RNPS1: variants seen among roughly 807,000 people sequenced by gnomAD.
RNPS1 encodes RNA binding protein with serine rich domain 1.
For synonymous variants in RNPS1, 147 were observed against 150.0 expected, an observed-to-expected ratio of 0.98 and a Z score of 0.15; for missense variants, 300 against 427.6, an observed-to-expected ratio of 0.70 and a Z score of 2.63.
chr16:2,253,815 C>T lies in RNPS1; in HGVS notation c.*149G>A, dbSNP rs1052066949. On this transcript the variant is annotated 3_prime_UTR_variant, in exon 8 of 8. Transcript: ENST00000320225. ...ACCAACAGCACTTCTGCAGCCGGGG[C>T]CCGGCTGGCAGAGGGGTGCTGCCTG... 6 of 746,994 alleles carry T rather than the reference C, an allele frequency of 8.0e-6. No homozygotes were observed. Among genetic ancestry groups the T allele is most frequent in the African/African-American group, 1.7e-5 (1 of 57,770 alleles). The allele number at this position is 746,994 out of a possible 1,614,324, so 46.3% of individuals were successfully genotyped here.
rs2093594811 is a variant in RNPS1 at position 2,259,781 on chromosome 16, C to T, written c.676+2497G>A. Among the ~76,000 whole-genome samples the T allele has an allele frequency of 3.3e-5, 5 of 152,078 alleles. No homozygotes were observed. The South Asian group carries it at 1.0e-3, about 32-fold the overall frequency. On this transcript the variant is annotated intron_variant, in intron 6 of 7. Transcript: ENST00000320225. ...GCCGGTGCCTGCAGTCCCAGCTACTCGAGAGGCTGAGGCAGGAGAATGGTG... is the reference window on the plus strand; with the variant it reads ...GCCGGTGCCTGCAGTCCCAGCTACTTGAGAGGCTGAGGCAGGAGAATGGTG...
At chr16:2,266,333 G>C (rs2093625032) in intron 1 of RNPS1, 2 of 985,240 alleles carry the variant, frequency 2.0e-6, no homozygotes, top group South Asian at 4.7e-5. Flanking sequence ...AGAACAGTAA[G>C]GTTCTGCAGA....
chr16:2,264,780 G>T lies in RNPS1; in HGVS notation c.-117-20C>A. ...AGCAGCCTAATAACAAGATAAAAGG[G>T]TTTAAAGAGTGAACGAATTGGCAAG... On this transcript the variant is annotated intron_variant, in intron 1 of 7. Transcript: ENST00000320225. 6.8e-7 allele frequency: 1 copy of T among 1,478,730 alleles called. No homozygotes were observed. The highest frequency in any genetic ancestry group is 1.4e-5 in the African/African-American group (1 of 70,674). The allele number at this position is 1,478,730 out of a possible 1,614,324, so 91.6% of individuals were successfully genotyped here.
chr16:2,264,562 A>G lies in RNPS1; in HGVS notation c.71+11T>C. 1 of 1,612,522 alleles carries G rather than the reference A, an allele frequency of 6.2e-7. No individual in the cohort carries two copies. The highest frequency in any genetic ancestry group is 8.5e-7 in the Non-Finnish European group (1 of 1,179,038). On this transcript the variant is annotated intron_variant, in intron 2 of 7. Coordinates refer to ENST00000320225, the MANE Select transcript of RNPS1 (RefSeq NM_080594.4). ...CCAAGTAGCACTAGAAAAATCTTAC[A>G]GAAGGATTACCTAGTGCTGGACTTT...
At chr16:2,263,051 A>G (rs1467043097) in intron 4 of RNPS1, 45 bp downstream of exon 4, 7 of 1,588,140 alleles carry the variant, frequency 4.4e-6, no homozygotes, top group Non-Finnish European at 5.2e-6. Flanking sequence ...GTAAATCTGT[A>G]GCCCCGAGCT....
At chr16:2,262,670 A>G in intron 5 of RNPS1, 70 bp downstream of exon 5, 1 of 1,364,624 alleles carries the variant, frequency 7.3e-7, no homozygotes, top group Non-Finnish European at 1.0e-6. Flanking sequence ...GCTACATTCT[A>G]AGTTCATCTG....
chr16:2,259,247 CTTTG>C (rs1227130521), intron 6 of RNPS1, among the ~76,000 whole-genome samples: 1 of 151,864 alleles, frequency 6.6e-6, no homozygotes, highest in African/African-American at 2.4e-5. Flanking sequence ...TTGGGTTTGG[CTTTG>C]TTTGGGCTGT....
chr16:2,262,517 C>G (rs867521895), intron 5 of RNPS1, 86 bp from the exon 6 acceptor site: 1 of 1,436,380 alleles, frequency 7.0e-7, no homozygotes, highest in African/African-American at 1.4e-5. Context: ...TGACTAAAAC[C>G]TCGGCAGGGT....
intron 1 of RNPS1, chr16:2,266,364 G>A (rs140926191): frequency 1.0e-6 from 1 of 985,320 alleles, no homozygotes; most frequent in Non-Finnish European, 1.2e-6. Context: ...ATAGTGCCTC[G>A]ACACTCTTTG....
In RNPS1 at chr16:2,267,759, G is replaced by A. The variant is rs2093631088; in HGVS notation, c.-118+296C>T. On this transcript the variant is annotated intron_variant, in intron 1 of 7. Transcript: ENST00000320225. ...GGCCCGGCGGGAGGGCCCCAAGGGCGGAGGCCGCGCTCCCCGCTGGTCTGA... is the reference window on the plus strand; with the variant it reads ...GGCCCGGCGGGAGGGCCCCAAGGGCAGAGGCCGCGCTCCCCGCTGGTCTGA... The A allele has an allele frequency of 9.0e-6, 12 of 1,329,566 alleles. 1 individual carries two copies. In the South Asian group the frequency reaches 2.0e-4, roughly 22 times the overall value. The allele number at this position is 1,329,566 out of a possible 1,614,324, so 82.4% of individuals were successfully genotyped here. A position where few individuals can be genotyped will look rare whatever the true frequency, so the allele number is the denominator to read the frequency against.
intron 4 of RNPS1, 100 bp from the exon 5 acceptor site, chr16:2,262,942 TA>T (rs2093609186): frequency 7.6e-7 from 1 of 1,313,236 alleles, no homozygotes; most frequent in East Asian, 2.3e-5. Context: ...ACAGTTTTCA[TA>T]AGGAAGACTT....
chr16:2,267,755 G>T, intron 1 of RNPS1: 1 of 1,322,736 alleles, frequency 7.6e-7, no homozygotes, highest in East Asian at 3.3e-5. Flanking sequence ...AGGGCCCCAA[G>T]GGCGGAGGCC....
At chr16:2,266,547 A>T (rs1345433132) in intron 1 of RNPS1, 1 of 974,948 alleles carries the variant, frequency 1.0e-6, no homozygotes, top group African/African-American at 1.8e-5. Flanking sequence ...ATAGTTACCC[A>T]GGGCATTAAT....
chr16:2,254,171 CTG>C (rs2093565930), intron 7 of RNPS1, 108 bp from the exon 8 acceptor site: 2 of 800,358 alleles, frequency 2.5e-6, no homozygotes, highest in South Asian at 3.9e-5. Flanking sequence ...GAATATCACT[CTG>C]TCTCCAGGCC....
At position 2,262,754 on chromosome 16, in the gene RNPS1, G is replaced by A. The variant is rs1490350742; in HGVS notation, c.508C>T (p.Arg170Trp). Residue 170 changes from arginine (R) to tryptophan (W), a missense_variant, in exon 5 of 8, where the codon CGG (arginine) becomes TGG (tryptophan). Arg to Trp is a moderately radical substitution (Grantham distance 101, BLOSUM62 -3). Coordinates refer to ENST00000320225, the MANE Select transcript of RNPS1 (RefSeq NM_080594.4). Reference protein sequence around the residue: ...PTKVHIGRLTRNVTKDHIMEI... With the variant: ...PTKVHIGRLTWNVTKDHIMEI... ...ATGATCCTCACCTTTGTCACATTCC[G>A]GGTGAGTCTCCCAATGTGCACTTTG... The A allele has an allele frequency of 2.5e-6, 4 of 1,612,600 alleles. No individual in the cohort carries two copies. Among genetic ancestry groups the A allele is most frequent in the East Asian group, 2.2e-5 (1 of 44,888 alleles).
chr16:2,256,052 G>A (rs1294449115), intron 6 of RNPS1: 8 of 302,208 alleles, frequency 2.6e-5, no homozygotes, highest in Admixed American at 9.7e-5. Context: ...GTGAACCCGG[G>A]AGGCAGAGGC....
rs543906326 is a variant in RNPS1 at position 2,263,368 on chromosome 16, C to T, written c.228-81G>A. ...GCCTCCTCCAATTCTGTTGTGCTCCCCCCAGGAGAAACCTGCTGTTCGGGT... is the reference window on the plus strand; with the variant it reads ...GCCTCCTCCAATTCTGTTGTGCTCCTCCCAGGAGAAACCTGCTGTTCGGGT... On this transcript the variant is annotated intron_variant, in intron 3 of 7. Coordinates refer to ENST00000320225, the MANE Select transcript of RNPS1 (RefSeq NM_080594.4). The T allele has an allele frequency of 7.0e-6, 10 of 1,431,548 alleles. No individual in the cohort carries two copies. In the African/African-American group the frequency reaches 8.5e-5, roughly 12 times the overall value. 88.7% of individuals were successfully genotyped at this position (1,431,548 alleles called of 1,614,324 possible).
intron 6 of RNPS1, among the ~76,000 whole-genome samples, chr16:2,259,558 G>A (rs2093593482): frequency 6.6e-6 from 1 of 152,174 alleles, no homozygotes; most frequent in East Asian, 1.9e-4. Flanking sequence ...TGCAGATTGT[G>A]ACATCAGAAT....
At position 2,253,977 on chromosome 16, in the gene RNPS1, T is replaced by C; in HGVS notation, c.905A>G (p.Asn302Ser). 6.4e-7 allele frequency: 1 copy of C among 1,552,888 alleles called. No individual in the cohort carries two copies. Among genetic ancestry groups the C allele is most frequent in the Non-Finnish European group, 8.7e-7 (1 of 1,147,516 alleles). ...TCAGTGGCCTGTTTATCGGGAGGAG[T>C]TGGAGCTGGAGCGGCTCCTGTGGCG... is the stretch of plus-strand genomic sequence containing the variant. ...RRRHRSRSSSNSSR is the reference protein window; with the variant it reads ...RRRHRSRSSSSSSR The change falls in exon 8 of 8, where the codon AAC becomes AGC. Residue 302 changes from asparagine to serine, a missense_variant. Asn to Ser is a conservative substitution (Grantham distance 46). Transcript: ENST00000320225.
Sources: allele counts gnomAD v4.1 joint callset (sites outside exome capture counted in the v4.1 genomes callset), GRCh38; gene constraint gnomAD v4.1.1; transcripts MANE v1.5; gene names NCBI Gene and HGNC (gene_info 2026-07-23, HGNC 2026-07-21).